Variants in ABCG8 observed in about 807,000 individuals in gnomAD.
The protein encoded by ABCG8 is ATP binding cassette subfamily G member 8.
ABCG8 carries 81 observed loss-of-function variants against 71.3 expected under a neutral mutation model. The ratio of observed to expected loss-of-function variants is 1.14; its 90% CI spans 0.95 to 1.37. The LOEUF (loss-of-function observed/expected upper bound fraction) is 1.37, where lower values mean the gene tolerates loss of function less well. Among genes scored for constraint, ABCG8 ranks in the 40% most tolerant of loss-of-function variants. The probability of loss-of-function intolerance (pLI) is 0.00; values close to 1 mark genes in which losing one functional copy is unlikely to be tolerated. For missense variants in ABCG8, 1,119 were observed against 866.2 expected (o/e 1.29, Z -3.66); for synonymous variants, 451 against 354.7 (o/e 1.27, Z -3.05).
In ABCG8 at chr2:43,875,328, C is replaced by G; in HGVS notation, c.1671C>G (p.His557Gln). The G allele has an allele frequency of 2.5e-6, 4 of 1,614,200 alleles. No homozygotes were observed. Among genetic ancestry groups the G allele is most frequent in the Non-Finnish European group, 3.4e-6 (4 of 1,180,050 alleles). The change falls in exon 11 of 13, where the codon CAC (histidine) becomes CAG (glutamine). Residue 557 changes from histidine (H) to glutamine (Q), a missense_variant. His to Gln is a conservative substitution (Grantham distance 24, BLOSUM62 0). Transcript: ENST00000272286. ...CCGCGGCCCTGCTCCCCACCTTCCA[C>G]ATGGCCTCCTTCTTCAGCAATGCCC... The part of the protein sequence containing the change: ...LAAAALLPTF[H>Q]MASFFSNALY...
At chr2:43,858,313 TCTCA>T (rs2104927521) in intron 6 of ABCG8, among the ~76,000 whole-genome samples, 1 of 150,100 alleles carries the variant, frequency 6.7e-6, no homozygotes, top group East Asian at 1.9e-4. Flanking sequence ...TGGATAAAAC[TCTCA>T]CTATCTTTCT....
chr2:43,843,697 G>T (rs1668650916), intron 1 of ABCG8, among the ~76,000 whole-genome samples: 1 of 152,050 alleles, frequency 6.6e-6, no homozygotes, highest in Non-Finnish European at 1.5e-5. Context: ...TTCTTTGTTT[G>T]GGCCTCAATG....
In ABCG8 at chr2:43,878,278, C is replaced by T. The variant is rs530553937; in HGVS notation, c.*365C>T. 2.9e-5 allele frequency: 10 copies of T among 345,016 alleles called. No individual in the cohort carries two copies. Among genetic ancestry groups the T allele is most frequent in the Admixed American group, 2.3e-4 (6 of 25,934 alleles). The allele number at this position is 345,016 out of a possible 1,614,324, so 21.4% of individuals were successfully genotyped here. On this transcript the variant is annotated 3_prime_UTR_variant, in exon 13 of 13. Transcript: ENST00000272286. Reference sequence around the variant, plus strand: ...CTAGACTGTGCAGGAATTGTTGGAACCTGGAGGGAACAATAACAGTAGCTA... The same window carrying T: ...CTAGACTGTGCAGGAATTGTTGGAATCTGGAGGGAACAATAACAGTAGCTA...
At chr2:43,869,563 C>T (rs1415539452) in intron 6 of ABCG8, among the ~76,000 whole-genome samples, 1 of 151,850 alleles carries the variant, frequency 6.6e-6, no homozygotes, top group African/African-American at 2.4e-5. Flanking sequence ...TTCTCACCAT[C>T]TGGATAGAAC....
intron 1 of ABCG8, among the ~76,000 whole-genome samples, chr2:43,840,689 T>C (rs1262020670): frequency 6.6e-6 from 1 of 152,150 alleles, no homozygotes; most frequent in African/African-American, 2.4e-5. Flanking sequence ...ATGTGTAAAT[T>C]GAGAAATTCT....
intron 3 of ABCG8, chr2:43,847,336 T>G (rs895719249): frequency 6.6e-6 from 1 of 152,200 alleles, no homozygotes; most frequent in Non-Finnish European, 1.5e-5. Flanking sequence ...AAATGCACTT[T>G]GTAACTGAAA....
At chr2:43,871,873 C>G in intron 6 of ABCG8, 103 bp from the exon 7 acceptor site, 1 of 1,522,612 alleles carries the variant, frequency 6.6e-7, no homozygotes, top group African/African-American at 1.4e-5. Context: ...CAGAGCCCCA[C>G]GAGGGGTGAT....
chr2:43,855,782 A>G (rs2104924249), intron 6 of ABCG8, among the ~76,000 whole-genome samples: 2 of 151,744 alleles, frequency 1.3e-5, no homozygotes, highest in East Asian at 3.9e-4. Flanking sequence ...CACTCTCAGG[A>G]TAGAACTCTC....
chr2:43,871,415 G>C (rs911727961), intron 6 of ABCG8, among the ~76,000 whole-genome samples: 8 of 151,914 alleles, frequency 5.3e-5, no homozygotes, highest in African/African-American at 1.7e-4. Context: ...CCTCTGGATA[G>C]AACTGTCACT....
At chr2:43,844,432 T>A in intron 1 of ABCG8, 75 bp from the exon 2 acceptor site, 4 of 1,240,550 alleles carry the variant, frequency 3.2e-6, no homozygotes, top group Non-Finnish European at 4.7e-6. Context: ...CTCTCACCTG[T>A]TGGTTTCCTT....
intron 6 of ABCG8, among the ~76,000 whole-genome samples, chr2:43,853,259 G>A (rs1308359693): frequency 6.6e-6 from 1 of 152,196 alleles, no homozygotes; most frequent in Non-Finnish European, 1.5e-5. Context: ...CAGTGGCAGG[G>A]AGCCTGAAGG....
At chr2:43,844,688 G>A in intron 2 of ABCG8, 80 bp downstream of exon 2, 1 of 1,168,228 alleles carries the variant, frequency 8.6e-7, no homozygotes, top group South Asian at 1.3e-5. Flanking sequence ...TAAAAGGGTG[G>A]GCCCAACTTG....
At chr2:43,860,162 T>C (rs928213105) in intron 6 of ABCG8, among the ~76,000 whole-genome samples, 2 of 145,342 alleles carry the variant, frequency 1.4e-5, no homozygotes, top group South Asian at 2.3e-4. Flanking sequence ...AAATTCTCAC[T>C]CTCTGGATAG....
chr2:43,862,219 G>A, intron 6 of ABCG8, among the ~76,000 whole-genome samples: 1 of 151,072 alleles, frequency 6.6e-6, no homozygotes, highest in South Asian at 2.1e-4. Flanking sequence ...TCTTTGGATA[G>A]AACTCTCACT....
chr2:43,871,220 C>G (rs75544058), intron 6 of ABCG8, among the ~76,000 whole-genome samples: 2 of 151,136 alleles, frequency 1.3e-5, no homozygotes, highest in African/African-American at 4.8e-5. Flanking sequence ...GGATAGAATT[C>G]TCACCCTCTG....
At position 43,880,914 on chromosome 2, in the gene ABCG8, C is replaced by T. The variant is rs1163660842; in HGVS notation, c.*3001C>T. On this transcript the variant is annotated 3_prime_UTR_variant, in exon 13 of 13. Transcript: ENST00000272286. ...ACGTCCTGCCTACCCTGCTCAGGCT[C>T]TAACTCCCAAGTCCAGCTTTCCCTG... 1 of 152,306 alleles carries T rather than the reference C, an allele frequency of 6.6e-6. No individual in the cohort carries two copies. Among genetic ancestry groups the T allele is most frequent in the East Asian group, 1.9e-4 (1 of 5,190 alleles). 9.4% of individuals were successfully genotyped at this position (152,306 alleles called of 1,614,324 possible). A position where few individuals can be genotyped will look rare whatever the true frequency, so the allele number is the denominator to read the frequency against.
At chr2:43,857,501 G>A (rs1297300498) in intron 6 of ABCG8, among the ~76,000 whole-genome samples, 1 of 149,802 alleles carries the variant, frequency 6.7e-6, no homozygotes, top group Non-Finnish European at 1.5e-5. Context: ...TTCTCACTCT[G>A]GAAAGAACCC....
In ABCG8 at chr2:43,841,233, G is replaced by T. The variant is rs201556936; in HGVS notation, c.63+2117G>T. ...AGAACTAGAAACATGTGCTCTGTGAGTTTCCTTCTTGCCTAGGCATCTGAC... is the reference window on the plus strand; with the variant it reads ...AGAACTAGAAACATGTGCTCTGTGATTTTCCTTCTTGCCTAGGCATCTGAC... On this transcript the variant is annotated intron_variant, in intron 1 of 12. Coordinates refer to ENST00000272286, the MANE Select transcript of ABCG8 (RefSeq NM_022437.3). Among the ~76,000 whole-genome samples the T allele has an allele frequency of 7.9e-5, 12 of 152,340 alleles. No homozygotes were observed. The East Asian group carries it at 1.9e-3, about 24-fold the overall frequency.
intron 3 of ABCG8, among the ~76,000 whole-genome samples, chr2:43,849,021 T>TAAAAA (rs1193216137): frequency 3.5e-4 from 19 of 54,706 alleles, no homozygotes; most frequent in African/African-American, 1.2e-3. Flanking sequence ...AAACACTGTC[T>TAAAAA]AAAAAAAAAA....
Sources: allele counts gnomAD v4.1 joint callset (sites outside exome capture counted in the v4.1 genomes callset), GRCh38; gene constraint gnomAD v4.1.1; transcripts MANE v1.5; gene names NCBI Gene and HGNC (gene_info 2026-07-23, HGNC 2026-07-21).